The following SEMA3A variants were observed in gnomAD, a reference collection of about 807,000 sequenced individuals.
The protein encoded by SEMA3A is semaphorin 3A, also known as semaphorin-3A.
A neutral mutation model predicts 97.9 loss-of-function variants in SEMA3A; 29 were observed. That is an observed-to-expected ratio of 0.30 (90% confidence interval 0.22 to 0.40). The LOEUF (loss-of-function observed/expected upper bound fraction) is 0.40, where lower values mean the gene tolerates loss of function less well. Among genes scored for constraint, SEMA3A ranks in the 10% least tolerant of loss-of-function variants. The pLI is 1.00. For synonymous variants in SEMA3A, 321 were observed against 323.7 expected (o/e 0.99, Z 0.09); for missense variants, 763 against 951.3 (o/e 0.80, Z 2.60).
intron 12 of SEMA3A, among the ~76,000 whole-genome samples, chr7:83,987,931 CCTA>C (rs1397990297): frequency 1.3e-5 from 2 of 152,264 alleles, no homozygotes; most frequent in African/African-American, 4.8e-5. Flanking sequence ...AGAGAGGTGG[CCTA>C]CTATTTTCAG....
intron 2 of SEMA3A, among the ~76,000 whole-genome samples, chr7:84,327,825 T>C (rs1801806346): frequency 6.6e-6 from 1 of 152,004 alleles, no homozygotes; most frequent in South Asian, 2.1e-4. Context: ...AAAGCAGCTA[T>C]GGAACATGGT....
intron 3 of SEMA3A, among the ~76,000 whole-genome samples, chr7:84,296,711 C>A (rs755779169): frequency 6.6e-6 from 1 of 152,082 alleles, no homozygotes; most frequent in Non-Finnish European, 1.5e-5. Context: ...TACCTCCATA[C>A]TCTTTGTGAT....
At chr7:84,034,921 T>C (rs980963024) in intron 6 of SEMA3A, among the ~76,000 whole-genome samples, 2 of 152,202 alleles carry the variant, frequency 1.3e-5, no homozygotes, top group African/African-American at 4.8e-5. Context: ...CCTCTCATTT[T>C]ATTTTATTAG....
intron 1 of SEMA3A, among the ~76,000 whole-genome samples, chr7:84,420,499 T>C (rs998970165): frequency 6.6e-6 from 1 of 152,038 alleles, no homozygotes; most frequent in African/African-American, 2.4e-5. Flanking sequence ...ATTAAAATTA[T>C]CCAGTCTGAA....
chr7:84,327,089 A>C (rs942879258), intron 2 of SEMA3A, among the ~76,000 whole-genome samples: 1 of 152,066 alleles, frequency 6.6e-6, no homozygotes, highest in Non-Finnish European at 1.5e-5. Flanking sequence ...AGCATCTATA[A>C]GGAACTTAAA....
chr7:84,295,771 A>G (rs1800854749), intron 3 of SEMA3A, among the ~76,000 whole-genome samples: 1 of 152,050 alleles, frequency 6.6e-6, no homozygotes, highest in Admixed American at 6.6e-5. Context: ...TCTTGGTGGC[A>G]TTTTACTCTC....
chr7:84,245,675 C>T (rs555001904), intron 3 of SEMA3A, among the ~76,000 whole-genome samples: 1 of 152,038 alleles, frequency 6.6e-6, no homozygotes, highest in Admixed American at 6.5e-5. Context: ...TGGGTAGCAC[C>T]AGTGGAGGCT....
chr7:84,154,691 C>CAAAAAAAAAAAA, intron 1 of SEMA3A, among the ~76,000 whole-genome samples: 1 of 108,430 alleles, frequency 9.2e-6, no homozygotes, highest in African/African-American at 3.1e-5. Flanking sequence ...AAAAAAAAAA[C>CAAAAAAAAAAAA]AAAAAAAAAA....
intron 1 of SEMA3A, among the ~76,000 whole-genome samples, chr7:84,474,963 TAAGAA>T (rs1806243721): frequency 6.6e-6 from 1 of 151,918 alleles, no homozygotes; most frequent in African/African-American, 2.4e-5. Flanking sequence ...TTTAAACGCC[TAAGAA>T]AAGAGAAGGA....
intron 1 of SEMA3A, 88 bp downstream of exon 1, chr7:84,194,387 A>C: frequency 1.2e-6 from 1 of 812,784 alleles, no homozygotes. Flanking sequence ...TAAAGGTTTG[A>C]TGATTTGGGG....
intron 3 of SEMA3A, among the ~76,000 whole-genome samples, chr7:84,269,678 T>C (rs1800094796): frequency 6.6e-6 from 1 of 152,238 alleles, no homozygotes; most frequent in Admixed American, 6.6e-5. Context: ...CATTACTGTA[T>C]TATTATACTG....
intron 1 of SEMA3A, among the ~76,000 whole-genome samples, chr7:84,374,881 ACTCTGC>A (rs1803060003): frequency 6.6e-6 from 1 of 152,122 alleles, no homozygotes; most frequent in Non-Finnish European, 1.5e-5. Flanking sequence ...TGGATCAGCC[ACTCTGC>A]CATAGCCTCT....
chr7:84,480,805 C>T (rs1274009745), intron 1 of SEMA3A, among the ~76,000 whole-genome samples: 1 of 152,130 alleles, frequency 6.6e-6, no homozygotes, highest in Non-Finnish European at 1.5e-5. Context: ...GTTTAATCAT[C>T]TTTGCTCCCA....
At chr7:84,128,701 A>G (rs1444984270) in intron 3 of SEMA3A, among the ~76,000 whole-genome samples, 2 of 152,166 alleles carry the variant, frequency 1.3e-5, no homozygotes, top group Non-Finnish European at 2.9e-5. Flanking sequence ...ATGACAGAGT[A>G]ATAAATTACT....
intron 4 of SEMA3A, among the ~76,000 whole-genome samples, chr7:84,077,108 G>C (rs999249649): frequency 2.0e-5 from 3 of 152,092 alleles, no homozygotes; most frequent in Non-Finnish European, 4.4e-5. Context: ...ATCTTGGCTA[G>C]AATGAGAAAG....
intron 3 of SEMA3A, among the ~76,000 whole-genome samples, chr7:84,224,911 A>T (rs1419597009): frequency 6.6e-6 from 1 of 152,032 alleles, no homozygotes; most frequent in Non-Finnish European, 1.5e-5. Context: ...GCATATTATT[A>T]GGTCCAACTC....
At chr7:84,489,737 A>G (rs1688537961) in intron 1 of SEMA3A, among the ~76,000 whole-genome samples, 1 of 122,060 alleles carries the variant, frequency 8.2e-6, no homozygotes, top group South Asian at 2.5e-4. Context: ...TTGGCGTTCA[A>G]AATTGAACTC....
At chr7:84,096,447 G>A (rs566657618) in intron 4 of SEMA3A, among the ~76,000 whole-genome samples, 10 of 152,100 alleles carry the variant, frequency 6.6e-5, no homozygotes, top group African/African-American at 2.4e-4. Flanking sequence ...ATATTGTTGA[G>A]CTTTGTGTTC....
intron 1 of SEMA3A, among the ~76,000 whole-genome samples, chr7:84,185,692 GAAAAAAA>G (rs71078810): frequency 9.0e-5 from 7 of 78,132 alleles, no homozygotes; most frequent in Admixed American, 1.7e-4. Context: ...ACTCTGGCAG[GAAAAAAA>G]AAAAAAAAAA....
Sources: allele counts gnomAD v4.1 joint callset (sites outside exome capture counted in the v4.1 genomes callset), GRCh38; gene constraint gnomAD v4.1.1; transcripts MANE v1.5; gene names NCBI Gene and HGNC (gene_info 2026-07-23, HGNC 2026-07-21).